Variants in MED13L observed in about 807,000 individuals in gnomAD.
The protein encoded by MED13L is mediator of RNA polymerase II transcription subunit 13-like.
Under a neutral mutation model 220.9 loss-of-function variants are expected in MED13L, and 7 were observed. That is an observed-to-expected ratio of 0.03 (90% CI 0.02 to 0.06). The LOEUF (loss-of-function observed/expected upper bound fraction) is 0.06, where lower values mean the gene tolerates loss of function less well. Ranked by LOEUF, MED13L falls within the 10% of genes least tolerant of loss-of-function variation. The pLI, the probability that MED13L is intolerant of heterozygous loss-of-function variation, is 1.00. For synonymous variants in MED13L, 1,011 were observed against 1,015.2 expected, an observed-to-expected ratio of 1.00 and a Z score of 0.08; for missense variants, 1,965 against 2,760.5, an observed-to-expected ratio of 0.71 and a Z score of 6.46.
chr12:115,969,101 G>C lies in MED13L; in HGVS notation c.6068-4C>G. 1 of 1,613,662 alleles carries C rather than the reference G, an allele frequency of 6.2e-7. No homozygotes were observed. The highest frequency in any genetic ancestry group is 8.5e-7 in the Non-Finnish European group (1 of 1,179,810). Reference sequence around the variant, plus strand: ...GGAAGGTCAACAAACATATCATCTAGAGGGAAGGGGGGAAAAAAAGCACAA... The same window carrying C: ...GGAAGGTCAACAAACATATCATCTACAGGGAAGGGGGGAAAAAAAGCACAA... On this transcript the variant is annotated splice_polypyrimidine_tract_variant and splice_region_variant and intron_variant, in intron 27 of 30. Coordinates refer to ENST00000281928, the MANE Select transcript of MED13L (RefSeq NM_015335.5).
chr12:116,176,876 C>CAA (rs11285058), intron 2 of MED13L, among the ~76,000 whole-genome samples: 86 of 74,162 alleles, frequency 1.2e-3, no homozygotes, highest in African/African-American at 2.8e-3. Context: ...AGAACTCAGC[C>CAA]AAAAAAAAAA....
rs192481694 is a variant in MED13L at position 116,059,026 on chromosome 12, G to A, written c.480-36425C>T. Reference sequence around the variant, plus strand: ...TACATTGATATGTAATAGATTTAATGGAATGAAAGTTTACATCTGTACATC... The same window carrying A: ...TACATTGATATGTAATAGATTTAATAGAATGAAAGTTTACATCTGTACATC... On this transcript the variant is annotated intron_variant, in intron 4 of 30. Coordinates refer to ENST00000281928, the MANE Select transcript of MED13L (RefSeq NM_015335.5). Among the ~76,000 whole-genome samples, 222 of 152,294 alleles carry A rather than the reference G, an allele frequency of 1.5e-3. 1 individual carries two copies. The highest frequency in any genetic ancestry group is 2.7e-3 in the Non-Finnish European group (185 of 68,004).
rs117035693 is a variant in MED13L at position 115,964,753 on chromosome 12, T to C, written c.6388-1234A>G. 4.3e-3 allele frequency among the ~76,000 whole-genome samples: 653 copies of C among 152,308 alleles called. 4 individuals carry two copies. Among genetic ancestry groups the C allele is most frequent in the Middle Eastern group, 0.01 (3 of 294 alleles). On this transcript the variant is annotated intron_variant, in intron 29 of 30. Transcript: ENST00000281928. ...CTGGACCATAATAATCTTTGGTAAC[T>C]TTCTTCCTTTTAGGTGTGACAAGAT...
intron 2 of MED13L, among the ~76,000 whole-genome samples, chr12:116,168,041 T>TA (rs1879407653): frequency 1.3e-5 from 2 of 152,180 alleles, no homozygotes; most frequent in South Asian, 4.1e-4. Context: ...GCAATTTTCC[T>TA]AAACACTTTA....
At chr12:116,238,940 C>A (rs1171460895) in intron 1 of MED13L, among the ~76,000 whole-genome samples, 1 of 152,042 alleles carries the variant, frequency 6.6e-6, no homozygotes, top group Non-Finnish European at 1.5e-5. Flanking sequence ...ACTAAAAATA[C>A]CAAAATTAGC....
chr12:116,005,732 C>CATTT, intron 13 of MED13L, 137 bp downstream of exon 13: 1 of 1,146,324 alleles, frequency 8.7e-7, no homozygotes, highest in Non-Finnish European at 1.3e-6. Context: ...AGTATACAGA[C>CATTT]ATTTATAAAG....
chr12:116,020,741 TGAATTACCCA>T (rs1195829243), intron 5 of MED13L, among the ~76,000 whole-genome samples: 1 of 152,194 alleles, frequency 6.6e-6, no homozygotes, highest in Non-Finnish European at 1.5e-5. Flanking sequence ...TATAGTACTG[TGAATTACCCA>T]GCCAGTTCAT....
intron 2 of MED13L, among the ~76,000 whole-genome samples, chr12:116,155,485 T>C (rs924252037): frequency 2.0e-5 from 3 of 152,162 alleles, no homozygotes; most frequent in Non-Finnish European, 4.4e-5. Flanking sequence ...TTTAAATCAA[T>C]TAAATGTAAC....
intron 17 of MED13L, among the ~76,000 whole-genome samples, chr12:115,990,694 G>A (rs1241629100): frequency 1.3e-5 from 2 of 152,330 alleles, no homozygotes; most frequent in Non-Finnish European, 2.9e-5. Context: ...ATTTAAGCAT[G>A]CAAGAGTGTG....
intron 3 of MED13L, among the ~76,000 whole-genome samples, chr12:116,104,852 C>G (rs1021882644): frequency 6.6e-6 from 1 of 152,160 alleles, no homozygotes; most frequent in Non-Finnish European, 1.5e-5. Flanking sequence ...TGTGTCAGAC[C>G]TTTCAAGTAT....
Position 115,997,211 on chromosome 12 carries a change from C to G in MED13L, c.2589G>C (p.Arg863Ser). 1 of 1,613,970 alleles carries G rather than the reference C, an allele frequency of 6.2e-7. No individual in the cohort carries two copies. Among genetic ancestry groups the G allele is most frequent in the Non-Finnish European group, 8.5e-7 (1 of 1,179,962 alleles). ...CCAAAGATGGTGGAGTGGGAAACAT[C>G]CTTTGCAAGTCTGCAACTGCTAAAA... Reference protein sequence around the residue: ...PYPPTVADLQRMFPTPPSLEQ... With the variant: ...PYPPTVADLQSMFPTPPSLEQ... Residue 863 changes from arginine (R) to serine (S), a missense_variant, in exon 15 of 31, where the codon AGG becomes AGC. Physicochemically the swap from Arg to Ser is moderately radical, Grantham distance 110 (BLOSUM62 -1). Transcript: ENST00000281928.
intron 5 of MED13L, 34 bp from the exon 6 acceptor site, chr12:116,020,006 T>C: frequency 6.3e-7 from 1 of 1,576,636 alleles, no homozygotes; most frequent in South Asian, 1.1e-5. Flanking sequence ...TGCTAAACAT[T>C]AGAGAAATAA....
At chr12:115,971,600 T>C (rs1592900367) in intron 26 of MED13L, among the ~76,000 whole-genome samples, 1 of 152,366 alleles carries the variant, frequency 6.6e-6, no homozygotes, top group East Asian at 1.9e-4. Flanking sequence ...GCTTACTGTG[T>C]ACCAGGTACT....
intron 4 of MED13L, among the ~76,000 whole-genome samples, chr12:116,073,143 C>T (rs933580051): frequency 7.9e-5 from 12 of 151,906 alleles, no homozygotes; most frequent in Non-Finnish European, 1.2e-4. Flanking sequence ...TGTTTCTCAA[C>T]GTGCAGTCTC....
At chr12:116,129,529 G>A (rs1288343092) in intron 2 of MED13L, among the ~76,000 whole-genome samples, 1 of 152,146 alleles carries the variant, frequency 6.6e-6, no homozygotes, top group African/African-American at 2.4e-5. Flanking sequence ...CACTAATTTG[G>A]GAGTGGATTT....
intron 5 of MED13L, among the ~76,000 whole-genome samples, chr12:116,021,559 T>C (rs894257028): frequency 1.1e-4 from 17 of 152,120 alleles, no homozygotes; most frequent in African/African-American, 2.4e-4. Flanking sequence ...GAATAGTTTA[T>C]AGAAAACAAA....
chr12:116,186,341 AGACATCAGATTTACAG>A (rs1565918465), intron 2 of MED13L, among the ~76,000 whole-genome samples: 1 of 152,244 alleles, frequency 6.6e-6, no homozygotes, highest in Non-Finnish European at 1.5e-5. Context: ...AGAAGAGATT[AGACATCAGATTTACAG>A]AAAGAAGCAA....
intron 4 of MED13L, among the ~76,000 whole-genome samples, chr12:116,085,475 G>C (rs1871570370): frequency 1.3e-5 from 2 of 151,984 alleles, no homozygotes; most frequent in Admixed American, 6.6e-5. Flanking sequence ...CCCAATTTTT[G>C]TTTTATGTTA....
At chr12:116,157,531 T>C (rs1409100436) in intron 2 of MED13L, among the ~76,000 whole-genome samples, 1 of 152,234 alleles carries the variant, frequency 6.6e-6, no homozygotes, top group Non-Finnish European at 1.5e-5. Flanking sequence ...ATACTACTCC[T>C]TTCTTTGGCA....
Sources: gnomAD v4.1 joint callset for allele counts (sites outside exome capture counted in the v4.1 genomes callset) on GRCh38, gnomAD v4.1.1 for gene constraint, MANE v1.5 for transcripts, NCBI Gene and HGNC (gene_info 2026-07-23, HGNC 2026-07-21) for gene names.